The following DPH7 variants were observed in gnomAD, a reference collection of about 807,000 sequenced individuals.
DPH7 encodes diphthine methyltransferase.
DPH7 carries 44 observed loss-of-function variants against 41.7 expected under a neutral mutation model. The observed-to-expected ratio is 1.05, with a 90% confidence interval of 0.83 to 1.36. The LOEUF is 1.36. DPH7 is among the 40% of genes most tolerant of loss of function. DPH7 has a pLI of 0.00. For missense variants in DPH7, 629 were observed against 577.5 expected, an observed-to-expected ratio of 1.09 and a Z score of -0.91; for synonymous variants, 275 against 238.0, an observed-to-expected ratio of 1.16 and a Z score of -1.43.
intron 5 of DPH7, among the ~76,000 whole-genome samples, chr9:137,570,112 G>A (rs954819951): frequency 4.1e-5 from 6 of 147,726 alleles, no homozygotes; most frequent in African/African-American, 1.3e-4. Flanking sequence ...CCACCCACAC[G>A]CCCTCCTACC....
chr9:137,557,694 C>T (rs1395463226), intron 8 of DPH7, among the ~76,000 whole-genome samples: 2 of 152,020 alleles, frequency 1.3e-5, no homozygotes, highest in Non-Finnish European at 2.9e-5. Flanking sequence ...TGGCGCATGC[C>T]TGTAGTCCCA....
intron 5 of DPH7, among the ~76,000 whole-genome samples, chr9:137,573,387 T>C (rs1048522898): frequency 3.0e-5 from 2 of 65,736 alleles, no homozygotes; most frequent in African/African-American, 1.3e-4. Flanking sequence ...AAAAAAAGAA[T>C]AGCTAAGTGG....
chr9:137,576,496 G>A (rs1841412724), intron 2 of DPH7: 1 of 263,876 alleles, frequency 3.8e-6, no homozygotes. Context: ...CCAACACTTT[G>A]GGAAGCTGAG....
Position 137,578,868 on chromosome 9 carries a change from G to C in DPH7, c.-91C>G. ...GCGCGGGGCGGCGAGGCCGGGGCCGGCCGGACGAGCGCAGAGCCCCAGGGA... is the reference window on the plus strand; with the variant it reads ...GCGCGGGGCGGCGAGGCCGGGGCCGCCCGGACGAGCGCAGAGCCCCAGGGA... On this transcript the variant is annotated 5_prime_UTR_variant, in exon 1 of 9. Coordinates refer to ENST00000277540, the MANE Select transcript of DPH7 (RefSeq NM_138778.5). 1 of 1,280,704 alleles carries C rather than the reference G, an allele frequency of 7.8e-7. No individual in the cohort carries two copies. Among genetic ancestry groups the C allele is most frequent in the Non-Finnish European group, 1.0e-6 (1 of 999,852 alleles). 79.3% of individuals were successfully genotyped at this position (1,280,704 alleles called of 1,614,324 possible).
At chr9:137,561,189 T>C (rs1023988184) in intron 8 of DPH7, among the ~76,000 whole-genome samples, 9 of 152,060 alleles carry the variant, frequency 5.9e-5, no homozygotes, top group East Asian at 3.9e-4. Flanking sequence ...AAGAGGAAAA[T>C]AGTATCTCTT....
At chr9:137,574,650 C>A in intron 4 of DPH7, 102 bp downstream of exon 4, 1 of 1,143,358 alleles carries the variant, frequency 8.7e-7, no homozygotes, top group Non-Finnish European at 1.3e-6. Flanking sequence ...GGCTGAGGAG[C>A]ACAGTCGCAG....
At chr9:137,559,839 G>A (rs984639926) in intron 8 of DPH7, among the ~76,000 whole-genome samples, 2 of 152,154 alleles carry the variant, frequency 1.3e-5, no homozygotes, top group Non-Finnish European at 2.9e-5. Context: ...AACATTCGGG[G>A]CCACTACCGG....
chr9:137,558,150 A>G (rs1423873727), intron 8 of DPH7, among the ~76,000 whole-genome samples: 5 of 152,180 alleles, frequency 3.3e-5, no homozygotes, highest in Non-Finnish European at 5.9e-5. Context: ...AAGAAAGAAA[A>G]AGAAAAAAAG....
At position 137,565,139 on chromosome 9, in the gene DPH7, A is replaced by C. The variant is rs1588863554; in HGVS notation, c.656T>G (p.Leu219Arg). 1 of 1,614,022 alleles carries C rather than the reference A, an allele frequency of 6.2e-7. No homozygotes were observed. ...EIVYSGGDDG[L>R]LRGWDTRVPG... The stretch of plus-strand genomic sequence containing the variant: ...TACCCTGGTGTCCCAGCCCCTCAGA[A>C]GGCCATCGTCGCCCCCTGTGTGGAG... Residue 219 changes from leucine to arginine, a missense_variant, in exon 6 of 9, where the codon CTT (leucine) becomes CGT (arginine). Leu to Arg is a moderately radical substitution (Grantham distance 102). Coordinates refer to ENST00000277540, the MANE Select transcript of DPH7 (RefSeq NM_138778.5).
intron 6 of DPH7, 36 bp downstream of exon 6, chr9:137,565,049 G>C: frequency 6.2e-7 from 1 of 1,613,428 alleles, no homozygotes; most frequent in Non-Finnish European, 8.5e-7. Flanking sequence ...CGCGGGGGCT[G>C]GTGTGGGCAC....
chr9:137,556,679 C>A lies in DPH7; in HGVS notation c.950-1031G>T, dbSNP rs191311290. 1 of 369,432 alleles carries A rather than the reference C, an allele frequency of 2.7e-6. No individual in the cohort carries two copies. The highest frequency in any genetic ancestry group is 2.0e-5 in the South Asian group (1 of 50,960). The allele number at this position is 369,432 out of a possible 1,614,324, so 22.9% of individuals were successfully genotyped here. On this transcript the variant is annotated intron_variant, in intron 8 of 8. Transcript: ENST00000277540. This position sits in a 1 kb window ranked among gnomAD's most constrained non-coding sequence, Gnocchi z 5.2. The stretch of plus-strand genomic sequence containing the variant: ...CCCTCGAGCAGCATGTGTGGGGCGA[C>A]CCTCGGGAGGAAGCCCCTGGGGAGG...
chr9:137,569,264 C>T (rs1029519181), intron 5 of DPH7, among the ~76,000 whole-genome samples: 1 of 148,598 alleles, frequency 6.7e-6, no homozygotes, highest in Non-Finnish European at 1.5e-5. Context: ...CTATCCACCC[C>T]CCGACCTCAC....
At chr9:137,573,682 CAAAAAAAAAAAAAAA>C (rs61028786) in intron 5 of DPH7, among the ~76,000 whole-genome samples, 2 of 25,914 alleles carry the variant, frequency 7.7e-5, no homozygotes, top group South Asian at 1.5e-3. Context: ...GACTCTGTCT[CAAAAAAAAAAAAAAA>C]AAAAAAAAAA....
rs1358658094 is a variant in DPH7, at chr9:137,555,276, T to A, written c.1322A>T (p.Asp441Val). The A allele has an allele frequency of 3.1e-6, 5 of 1,613,140 alleles. No homozygotes were observed. Among genetic ancestry groups the A allele is most frequent in the Non-Finnish European group, 4.2e-6 (5 of 1,179,448 alleles). The stretch of plus-strand genomic sequence containing the variant: ...CCACTCCCAGAGGTGGAGCGCATGG[T>A]CATAGAAGGAGCAGGTGGCCAGGAG... ...FSLLATCSFY[D>V]HALHLWEWEG... Residue 441 changes from aspartate to valine, a missense_variant, in exon 9 of 9, where the codon GAC becomes GTC. Asp to Val is a radical substitution (Grantham distance 152). Transcript: ENST00000277540.
At chr9:137,570,080 C>G (rs577989850) in intron 5 of DPH7, among the ~76,000 whole-genome samples, 4 of 151,770 alleles carry the variant, frequency 2.6e-5, no homozygotes, top group Admixed American at 2.6e-4. Context: ...CTCACTCATC[C>G]ACCCACCATC....
At chr9:137,574,166 A>C in intron 5 of DPH7, 42 bp downstream of exon 5, 1 of 1,593,764 alleles carries the variant, frequency 6.3e-7, no homozygotes, top group Non-Finnish European at 8.6e-7. Context: ...CCCCTTCCTC[A>C]GCAAGCCTTC....
chr9:137,574,107 A>G, intron 5 of DPH7, 101 bp downstream of exon 5: 1 of 1,287,230 alleles, frequency 7.8e-7, no homozygotes, highest in Non-Finnish European at 1.1e-6. Flanking sequence ...TCAAGATCCC[A>G]ACATAACTGG....
In DPH7 at chr9:137,578,771, C is replaced by T; in HGVS notation, c.7G>A (p.Gly3Ser). The change falls in exon 1 of 9, where the codon GGC becomes AGC. Residue 3 changes from glycine (G) to serine (S), a missense_variant. By Grantham distance (56) the Gly-to-Ser change is moderately conservative. Coordinates refer to ENST00000277540, the MANE Select transcript of DPH7 (RefSeq NM_138778.5). ...TCCACCGTTTGCAGGGCGAAACAGC[C>T]CATCATCCAGCCCTCGGGGAAGGGC... is the stretch of plus-strand genomic sequence containing the variant. The part of the protein sequence containing the change: MM[G>S]CFALQTVDTE... The T allele has an allele frequency of 6.7e-7, 1 of 1,498,720 alleles. No homozygotes were observed. 92.8% of individuals were successfully genotyped at this position (1,498,720 alleles called of 1,614,324 possible).
In DPH7 at chr9:137,577,561, G is replaced by A; in HGVS notation, c.196C>T (p.Leu66Phe). The change falls in exon 2 of 9, where the codon CTC becomes TTC. Residue 66 changes from leucine to phenylalanine, a missense_variant. Coordinates refer to ENST00000277540, the MANE Select transcript of DPH7 (RefSeq NM_138778.5). ...TTGTCATTGAAACTGTACAGGAAGA[G>A]ACGGCCTAAACGGACCTGAGGCTCC... ...VKEPQVRLGR[L>F]FLYSFNDNNS... The A allele has an allele frequency of 6.2e-7, 1 of 1,614,070 alleles. No homozygotes were observed. Among genetic ancestry groups the A allele is most frequent in the Non-Finnish European group, 8.5e-7 (1 of 1,179,996 alleles).
Sources: gnomAD v4.1 joint callset for allele counts (sites outside exome capture counted in the v4.1 genomes callset) on GRCh38, gnomAD v4.1.1 for gene constraint, Gnocchi (gnomAD v3.1) non-coding constraint, MANE v1.5 for transcripts, NCBI Gene and HGNC (gene_info 2026-07-23, HGNC 2026-07-21) for gene names.